The following DDX1 variants were observed in gnomAD, a reference collection of about 807,000 sequenced individuals.
DDX1 encodes the protein ATP-dependent RNA helicase DDX1.
Under a neutral mutation model 108.7 loss-of-function variants are expected in DDX1, and 28 were observed. The observed-to-expected ratio is 0.26, with a 90% CI of 0.19 to 0.35. The LOEUF (loss-of-function observed/expected upper bound fraction) is 0.35, where lower values mean the gene tolerates loss of function less well. Among genes scored for constraint, DDX1 ranks in the 10% least tolerant of loss-of-function variants. The pLI, the probability that DDX1 is intolerant of heterozygous loss-of-function variation, is 1.00. For synonymous variants in DDX1, 295 were observed against 288.9 expected, an observed-to-expected ratio of 1.02 and a Z score of -0.21; for missense variants, 710 against 884.5, an observed-to-expected ratio of 0.80 and a Z score of 2.50.
chr2:15,610,787 G>A (rs1243371884), intron 13 of DDX1, among the ~76,000 whole-genome samples: 1 of 152,028 alleles, frequency 6.6e-6, no homozygotes, highest in Non-Finnish European at 1.5e-5. Flanking sequence ...ATTCTCTTTC[G>A]TGACTTTACC....
chr2:15,615,432 G>A (rs1665877742), intron 14 of DDX1, among the ~76,000 whole-genome samples: 1 of 152,140 alleles, frequency 6.6e-6, no homozygotes, highest in African/African-American at 2.4e-5. Flanking sequence ...AGAACCAGAT[G>A]GTATTTTGTT....
At chr2:15,598,336 C>G (rs1405924777) in intron 5 of DDX1, among the ~76,000 whole-genome samples, 3 of 151,992 alleles carry the variant, frequency 2.0e-5, no homozygotes, top group Non-Finnish European at 4.4e-5. Flanking sequence ...TTGGCCTATT[C>G]TAAAATAGTT....
At chr2:15,604,180 A>G (rs1290352802) in intron 9 of DDX1, among the ~76,000 whole-genome samples, 2 of 151,906 alleles carry the variant, frequency 1.3e-5, no homozygotes, top group Non-Finnish European at 2.9e-5. Context: ...TGTTATTCTC[A>G]TTTCTTATTA....
At chr2:15,595,656 A>G in intron 3 of DDX1, 103 bp downstream of exon 3, 1 of 842,790 alleles carries the variant, frequency 1.2e-6, no homozygotes, top group Admixed American at 1.9e-5. Context: ...CATTTATGAT[A>G]CATATACTGT....
Position 15,594,483 on chromosome 2 carries a change from T to C in DDX1, c.17-662T>C, listed in dbSNP as rs74746741. Among the ~76,000 whole-genome samples, 2,524 of 152,286 alleles carry C rather than the reference T, an allele frequency of 0.017. 118 individuals carry two copies. In the East Asian group the frequency reaches 0.22, roughly 13 times the overall value. ...CCCGGTTAGGAGCAACTCATCTCTA[T>C]TCATTTAGGATGGGCCTTGAAGTAG... On this transcript the variant is annotated intron_variant, in intron 1 of 25. Transcript: ENST00000233084.
At chr2:15,597,100 G>A (rs141110805) in intron 4 of DDX1, among the ~76,000 whole-genome samples, 43 of 152,194 alleles carry the variant, frequency 2.8e-4, no homozygotes, top group Middle Eastern at 3.4e-3. Flanking sequence ...ATAATTTGTC[G>A]GACTGGATGG....
chr2:15,627,179 T>G lies in DDX1; in HGVS notation c.1686+34T>G, dbSNP rs373095554. The G allele has an allele frequency of 4.3e-5, 51 of 1,195,964 alleles. No homozygotes were observed. The African/African-American group carries it at 6.7e-4, about 16-fold the overall frequency. 74.1% of individuals were successfully genotyped at this position (1,195,964 alleles called of 1,614,324 possible). ...ACATAGTTGATTGTTTCCTTAATAC[T>G]TAAGAGGGGCATTATATCTAGTTTT... is the stretch of plus-strand genomic sequence containing the variant. On this transcript the variant is annotated intron_variant, in intron 20 of 25. Coordinates refer to ENST00000233084, the MANE Select transcript of DDX1 (RefSeq NM_004939.3).
In DDX1 at chr2:15,629,626, C is replaced by T. The variant is rs769148712; in HGVS notation, c.1900C>T (p.Arg634Cys). ...EKVWYHVCSS[R>C]GKGCYNTRLK... ...GGTTTGGTACCATGTATGTAGCAGCCGTGGAAAAGGGTGTTATAACACAAG... is the reference window on the plus strand; with the variant it reads ...GGTTTGGTACCATGTATGTAGCAGCTGTGGAAAAGGGTGTTATAACACAAG... The change falls in exon 24 of 26, where the codon CGT becomes TGT. Residue 634 changes from arginine to cysteine, a missense_variant. Physicochemically the swap from Arg to Cys is radical, Grantham distance 180. Coordinates refer to ENST00000233084, the MANE Select transcript of DDX1 (RefSeq NM_004939.3). 5 of 1,588,880 alleles carry T rather than the reference C, an allele frequency of 3.1e-6. No individual in the cohort carries two copies. Among genetic ancestry groups the T allele is most frequent in the Admixed American group, 1.8e-5 (1 of 54,434 alleles).
intron 16 of DDX1, among the ~76,000 whole-genome samples, chr2:15,619,747 T>C (rs1665962438): frequency 6.6e-6 from 1 of 152,238 alleles, no homozygotes; most frequent in African/African-American, 2.4e-5. Context: ...CAAGTAAAAA[T>C]TCTTAGTTAC....
intron 16 of DDX1, 106 bp from the exon 17 acceptor site, chr2:15,620,102 T>C (rs778534225): frequency 2.9e-6 from 3 of 1,036,562 alleles, no homozygotes; most frequent in Admixed American, 2.2e-5. Flanking sequence ...GTTGAACTTA[T>C]CTTTGGAGTC....
intron 13 of DDX1, among the ~76,000 whole-genome samples, chr2:15,610,536 A>G (rs1217750744): frequency 1.3e-5 from 2 of 152,098 alleles, no homozygotes; most frequent in African/African-American, 2.4e-5. Context: ...GAAACATTCA[A>G]ACACAAAAGG....
intron 13 of DDX1, among the ~76,000 whole-genome samples, chr2:15,611,518 C>T (rs1325755696): frequency 4.6e-5 from 5 of 109,692 alleles, no homozygotes; most frequent in Non-Finnish European, 1.0e-4. Flanking sequence ...AGGGGGCTGA[C>T]CCCCCCACCT....
At chr2:15,603,951 C>T in intron 9 of DDX1, 61 bp downstream of exon 9, 1 of 1,072,226 alleles carries the variant, frequency 9.3e-7, no homozygotes, top group East Asian at 2.4e-5. Flanking sequence ...TACTTAATCA[C>T]TCATGACAGA....
At chr2:15,619,336 G>A (rs906827556) in intron 16 of DDX1, among the ~76,000 whole-genome samples, 7 of 152,240 alleles carry the variant, frequency 4.6e-5, no homozygotes, top group African/African-American at 1.4e-4. Context: ...CACGGGGCCA[G>A]GGTCCAGAGT....
chr2:15,623,740 G>A (rs923394425), intron 19 of DDX1, among the ~76,000 whole-genome samples, 158 bp downstream of exon 19: 7 of 152,120 alleles, frequency 4.6e-5, no homozygotes, highest in African/African-American at 1.7e-4. Context: ...CATATGATAA[G>A]CCCTAGGAAA....
In DDX1 at chr2:15,603,848, A is replaced by G; in HGVS notation, c.510A>G (p.Thr170=). Residue 170 remains threonine, a synonymous_variant, in exon 9 of 26, where the codon ACA becomes ACG. Coordinates refer to ENST00000233084, the MANE Select transcript of DDX1 (RefSeq NM_004939.3). The part of the protein sequence containing the change: ...TDKFGFGFGG[T]GKKSHNKQFD... ...AGTTTGGATTTGGCTTTGGTGGAAC[A>G]GGAAAGAAATCCCATAACAAACAAT... The G allele has an allele frequency of 6.2e-7, 1 of 1,612,344 alleles. No homozygotes were observed.
intron 13 of DDX1, among the ~76,000 whole-genome samples, chr2:15,611,962 G>A: frequency 7.8e-6 from 1 of 128,590 alleles, no homozygotes; most frequent in Non-Finnish European, 1.6e-5. Flanking sequence ...CCGGGCGGGG[G>A]GCTGACCCCA....
intron 1 of DDX1, among the ~76,000 whole-genome samples, chr2:15,592,221 AC>A (rs1195357822): frequency 1.3e-5 from 2 of 152,084 alleles, no homozygotes; most frequent in Non-Finnish European, 2.9e-5. Flanking sequence ...CTGCCAGTGC[AC>A]CTTCGGCTGC....
chr2:15,629,951 A>G (rs1454013660), intron 24 of DDX1, 39 bp from the exon 25 acceptor site: 2 of 1,544,696 alleles, frequency 1.3e-6, no homozygotes, highest in Non-Finnish European at 1.7e-6. Context: ...CTCTTTCTAA[A>G]TGAAATTTTT....
Sources: gnomAD v4.1 joint callset for allele counts (sites outside exome capture counted in the v4.1 genomes callset) on GRCh38, gnomAD v4.1.1 for gene constraint, MANE v1.5 for transcripts, NCBI Gene and HGNC (gene_info 2026-07-23, HGNC 2026-07-21) for gene names.